Variants in COL14A1 observed in about 807,000 individuals in gnomAD.
COL14A1 encodes the protein collagen alpha-1(XIV) chain.
In COL14A1, 136 loss-of-function variants were observed where a neutral mutation model predicts 230.3. The ratio of observed to expected loss-of-function variants is 0.59; its 90% CI spans 0.51 to 0.68. The LOEUF is 0.68. Among genes scored for constraint, COL14A1 ranks in the 30% least tolerant of loss-of-function variants. The probability of loss-of-function intolerance (pLI) is 0.00; values close to 1 mark genes in which losing one functional copy is unlikely to be tolerated. For synonymous variants in COL14A1, 792 were observed against 784.1 expected (o/e 1.01, Z -0.17); for missense variants, 1,976 against 2,215.8 (o/e 0.89, Z 2.17).
chr8:120,157,341 A>G (rs1446980140), intron 2 of COL14A1, among the ~76,000 whole-genome samples: 1 of 152,188 alleles, frequency 6.6e-6, no homozygotes, highest in Non-Finnish European at 1.5e-5. Flanking sequence ...TGAATATCTT[A>G]TTACCATAAT....
At chr8:120,230,180 C>T (rs1428418053) in intron 18 of COL14A1, among the ~76,000 whole-genome samples, 1 of 152,112 alleles carries the variant, frequency 6.6e-6, no homozygotes, top group African/African-American at 2.4e-5. Context: ...CCATGCCTGG[C>T]CTTGTTGAGA....
chr8:120,232,726 A>G (rs191275844), intron 19 of COL14A1, among the ~76,000 whole-genome samples: 1 of 152,326 alleles, frequency 6.6e-6, no homozygotes, highest in Admixed American at 6.5e-5. Flanking sequence ...TGCAATAAAC[A>G]TGTGTGGATG....
chr8:120,326,846 C>T (rs1021088838), intron 40 of COL14A1, among the ~76,000 whole-genome samples: 10 of 152,026 alleles, frequency 6.6e-5, no homozygotes, highest in African/African-American at 1.2e-4. Flanking sequence ...GCCAACATGG[C>T]GAAATCCTGT....
intron 42 of COL14A1, among the ~76,000 whole-genome samples, chr8:120,337,887 A>G (rs2130247501): frequency 1.3e-5 from 2 of 152,360 alleles, no homozygotes; most frequent in Admixed American, 1.3e-4. Flanking sequence ...CCATAGAGAT[A>G]TTTCATTAAA....
chr8:120,362,221 A>G (rs1429881196), intron 45 of COL14A1, among the ~76,000 whole-genome samples: 3 of 152,162 alleles, frequency 2.0e-5, no homozygotes, highest in Non-Finnish European at 2.9e-5. Flanking sequence ...TTTCCTAGCT[A>G]AGGACAAGTG....
intron 8 of COL14A1, among the ~76,000 whole-genome samples, chr8:120,202,782 C>T (rs1461144570): frequency 6.6e-6 from 1 of 151,648 alleles, no homozygotes. Context: ...TGCTTTCTGT[C>T]CTATTCTATT....
At chr8:120,216,737 C>T (rs1442461520) in intron 14 of COL14A1, among the ~76,000 whole-genome samples, 2 of 152,142 alleles carry the variant, frequency 1.3e-5, no homozygotes, top group East Asian at 3.9e-4. Flanking sequence ...CATCTTTACT[C>T]ATGTATCTGG....
At chr8:120,203,510 G>T (rs1817324685) in intron 8 of COL14A1, among the ~76,000 whole-genome samples, 199 bp from the exon 9 acceptor site, 1 of 152,024 alleles carries the variant, frequency 6.6e-6, no homozygotes, top group African/African-American at 2.4e-5. Context: ...TTATATAATA[G>T]ATATGACTAT....
intron 19 of COL14A1, among the ~76,000 whole-genome samples, chr8:120,243,352 C>T (rs1481711245): frequency 1.3e-5 from 2 of 152,166 alleles, no homozygotes; most frequent in Non-Finnish European, 2.9e-5. Context: ...GGTAAATATG[C>T]TTCAGCTCAA....
At chr8:120,326,950 T>G (rs1026937556) in intron 40 of COL14A1, among the ~76,000 whole-genome samples, 2 of 152,110 alleles carry the variant, frequency 1.3e-5, no homozygotes, top group Non-Finnish European at 2.9e-5. Flanking sequence ...TTTTTGAGCC[T>G]GGGAGGCGGA....
chr8:120,238,063 C>T (rs1342329708), intron 19 of COL14A1, among the ~76,000 whole-genome samples: 2 of 152,142 alleles, frequency 1.3e-5, no homozygotes, highest in East Asian at 1.9e-4. Flanking sequence ...CCTGGTGTCT[C>T]CCCATCAGGA....
At chr8:120,193,431 C>G (rs1329493438) in intron 5 of COL14A1, among the ~76,000 whole-genome samples, 1 of 152,120 alleles carries the variant, frequency 6.6e-6, no homozygotes, top group Non-Finnish European at 1.5e-5. Flanking sequence ...GAGTAACAGG[C>G]CATGTGAGGT....
intron 4 of COL14A1, among the ~76,000 whole-genome samples, chr8:120,166,905 TGTGTGTGTGTGTGTGTG>T (rs1411322602): frequency 1.0e-4 from 15 of 149,430 alleles, no homozygotes; most frequent in African/African-American, 3.5e-4. Flanking sequence ...TGTGTGTGTG[TGTGTGTGTGTGTGTGTG>T]GTGGTGATGA....
intron 1 of COL14A1, among the ~76,000 whole-genome samples, chr8:120,139,267 C>T (rs992411325): frequency 2.6e-5 from 4 of 152,126 alleles, no homozygotes; most frequent in African/African-American, 9.7e-5. Context: ...TAAATATCAC[C>T]ATTTCTTTCA....
chr8:120,209,240 C>T (rs561768133), intron 11 of COL14A1, among the ~76,000 whole-genome samples: 3 of 152,124 alleles, frequency 2.0e-5, no homozygotes, highest in South Asian at 2.1e-4. Context: ...CATGGTGGCA[C>T]GCAGCTGTGG....
chr8:120,335,839 G>A (rs1822043742), intron 42 of COL14A1, among the ~76,000 whole-genome samples: 1 of 152,194 alleles, frequency 6.6e-6, no homozygotes, highest in African/African-American at 2.4e-5. Flanking sequence ...TAAAGCACAC[G>A]AACGAAGGAG....
At chr8:120,265,784 T>G (rs1427471052) in intron 24 of COL14A1, among the ~76,000 whole-genome samples, 3 of 152,074 alleles carry the variant, frequency 2.0e-5, no homozygotes, top group Non-Finnish European at 4.4e-5. Context: ...CTCATTCTTT[T>G]AATGTTGAAT....
chr8:120,233,979 C>T (rs574070788), intron 19 of COL14A1, among the ~76,000 whole-genome samples: 3 of 152,228 alleles, frequency 2.0e-5, no homozygotes, highest in African/African-American at 7.2e-5. Flanking sequence ...TTGTTTGTGT[C>T]CTCTCTTATT....
chr8:120,130,150 T>C (rs1296100783), intron 1 of COL14A1, among the ~76,000 whole-genome samples: 1 of 152,220 alleles, frequency 6.6e-6, no homozygotes, highest in Non-Finnish European at 1.5e-5. Flanking sequence ...ATAAGCGCAC[T>C]GTTCACCAAG....
Sources: gnomAD v4.1 joint callset for allele counts (sites outside exome capture counted in the v4.1 genomes callset) on GRCh38, gnomAD v4.1.1 for gene constraint, MANE v1.5 for transcripts, NCBI Gene and HGNC (gene_info 2026-07-23, HGNC 2026-07-21) for gene names.